The following GPR39 variants were observed in gnomAD, a reference collection of about 807,000 sequenced individuals.
GPR39 encodes the protein zinc sensing receptor.
Under a neutral mutation model 18.4 loss-of-function variants are expected in GPR39, and 23 were observed. The ratio of observed to expected loss-of-function variants is 1.25; its 90% confidence interval spans 0.90 to 1.77. The LOEUF is 1.77. Ranked by LOEUF, GPR39 falls within the 40% of genes most tolerant of loss-of-function variation. GPR39 has a pLI of 0.00. For synonymous variants in GPR39, 280 were observed against 257.9 expected (o/e 1.09, Z -0.82); for missense variants, 647 against 602.4 (o/e 1.07, Z -0.78).
At chr2:132,479,842 C>T (rs914279657) in intron 1 of GPR39, among the ~76,000 whole-genome samples, 2 of 151,604 alleles carry the variant, frequency 1.3e-5, no homozygotes, top group Non-Finnish European at 2.9e-5. Flanking sequence ...CTAGCAATCC[C>T]ACTTCTGGAT....
chr2:132,436,318 A>G (rs1001065586), intron 1 of GPR39, among the ~76,000 whole-genome samples: 1 of 152,180 alleles, frequency 6.6e-6, no homozygotes, highest in Admixed American at 6.5e-5. Context: ...GCTCAGCTTT[A>G]TTTCCAAAAC....
In GPR39 at chr2:132,486,435, G is replaced by A. The variant is rs539273139; in HGVS notation, c.856+68537G>A. Among the ~76,000 whole-genome samples, 4 of 152,280 alleles carry A rather than the reference G, an allele frequency of 2.6e-5. No individual in the cohort carries two copies. In the South Asian group the frequency reaches 8.3e-4, roughly 32 times the overall value. On this transcript the variant is annotated intron_variant, in intron 1 of 1. Coordinates refer to ENST00000329321, the MANE Select transcript of GPR39 (RefSeq NM_001508.3). ...TCTTTAGCTATGAAAGTCCTAGATGGCATCTTCTTCCAGTAGAAGGCTGTT... is the reference window on the plus strand; with the variant it reads ...TCTTTAGCTATGAAAGTCCTAGATGACATCTTCTTCCAGTAGAAGGCTGTT...
At chr2:132,425,703 G>T (rs1680107657) in intron 1 of GPR39, among the ~76,000 whole-genome samples, 1 of 152,152 alleles carries the variant, frequency 6.6e-6, no homozygotes, top group African/African-American at 2.4e-5. Context: ...TTTAAATCTG[G>T]GTCTAGAGGT....
At chr2:132,528,731 T>C (rs1006254351) in intron 1 of GPR39, among the ~76,000 whole-genome samples, 2 of 152,232 alleles carry the variant, frequency 1.3e-5, no homozygotes, top group Admixed American at 1.3e-4. Context: ...TTTGGTTCTC[T>C]ACTTGTCTAT....
intron 1 of GPR39, among the ~76,000 whole-genome samples, chr2:132,430,123 G>A (rs1434868642): frequency 6.6e-6 from 1 of 152,238 alleles, no homozygotes. Context: ...GAGGGGCACA[G>A]GTGTGGAAGT....
At chr2:132,525,231 C>T (rs1679487452) in intron 1 of GPR39, among the ~76,000 whole-genome samples, 1 of 152,202 alleles carries the variant, frequency 6.6e-6, no homozygotes, top group African/African-American at 2.4e-5. Context: ...CTTTGGAGCA[C>T]AGGATTGATT....
chr2:132,493,805 A>T (rs1026449146), intron 1 of GPR39, among the ~76,000 whole-genome samples: 4 of 151,996 alleles, frequency 2.6e-5, no homozygotes, highest in African/African-American at 9.7e-5. Flanking sequence ...GGCTATAGCT[A>T]GATACAGACA....
intron 1 of GPR39, among the ~76,000 whole-genome samples, chr2:132,500,846 G>A (rs1047308633): frequency 1.3e-5 from 2 of 151,932 alleles, no homozygotes; most frequent in Non-Finnish European, 2.9e-5. Context: ...TCTCCTCTAG[G>A]TCTTCTAGTT....
intron 1 of GPR39, among the ~76,000 whole-genome samples, chr2:132,529,806 G>A (rs946971958): frequency 6.6e-6 from 1 of 152,168 alleles, no homozygotes; most frequent in Non-Finnish European, 1.5e-5. Context: ...ACTGTTAGAA[G>A]GAAAGCTAGC....
At chr2:132,421,365 C>T (rs2104752722) in intron 1 of GPR39, among the ~76,000 whole-genome samples, 1 of 152,280 alleles carries the variant, frequency 6.6e-6, no homozygotes, top group South Asian at 2.1e-4. Context: ...TAATAACTTT[C>T]AAGTGATTGG....
chr2:132,608,452 T>C (rs990575609), intron 1 of GPR39, among the ~76,000 whole-genome samples: 12 of 152,220 alleles, frequency 7.9e-5, no homozygotes, highest in African/African-American at 2.4e-4. Context: ...ATCTCTCCTC[T>C]GAAGGTCTCA....
intron 1 of GPR39, among the ~76,000 whole-genome samples, chr2:132,569,473 A>G (rs1172762947): frequency 6.6e-6 from 1 of 151,732 alleles, no homozygotes; most frequent in Non-Finnish European, 1.5e-5. Flanking sequence ...GCGGGACCAC[A>G]CCTCCCTTAA....
intron 1 of GPR39, among the ~76,000 whole-genome samples, chr2:132,582,780 T>C (rs13391402): frequency 0.013 from 1,998 of 152,252 alleles, 50 homozygotes; most frequent in African/African-American, 0.046. Context: ...ACCCCTTTTT[T>C]ACCTCACTAC....
intron 1 of GPR39, among the ~76,000 whole-genome samples, chr2:132,618,787 G>A (rs764904627): frequency 2.0e-5 from 3 of 152,176 alleles, no homozygotes; most frequent in Admixed American, 6.5e-5. Context: ...TTTAAAGGCC[G>A]GCTTCACTTA....
At chr2:132,421,249 G>A (rs1274759805) in intron 1 of GPR39, among the ~76,000 whole-genome samples, 1 of 152,154 alleles carries the variant, frequency 6.6e-6, no homozygotes, top group Non-Finnish European at 1.5e-5. Context: ...ATCCAGGTCT[G>A]TGGACACTTG....
intron 1 of GPR39, among the ~76,000 whole-genome samples, chr2:132,556,555 C>T (rs1289661491): frequency 6.6e-6 from 1 of 152,138 alleles, no homozygotes; most frequent in African/African-American, 2.4e-5. Context: ...TTGCTAGTAC[C>T]TTGTGCACCA....
At chr2:132,436,089 G>A (rs745389453) in intron 1 of GPR39, among the ~76,000 whole-genome samples, 15 of 152,232 alleles carry the variant, frequency 9.9e-5, no homozygotes, top group African/African-American at 1.4e-4. Context: ...GAGGCCCCCC[G>A]AGTCCCTAAG....
intron 1 of GPR39, among the ~76,000 whole-genome samples, chr2:132,635,587 C>T (rs1681738314): frequency 6.6e-6 from 1 of 151,552 alleles, no homozygotes; most frequent in Admixed American, 6.6e-5. Context: ...GGTGTGGTCT[C>T]AGCAAAAAAG....
At chr2:132,426,703 A>G (rs1184679976) in intron 1 of GPR39, among the ~76,000 whole-genome samples, 5 of 152,222 alleles carry the variant, frequency 3.3e-5, no homozygotes, top group African/African-American at 9.6e-5. Flanking sequence ...GTTTGTACTT[A>G]CTGAGTGTAA....
Sources: gnomAD v4.1 joint callset for allele counts (sites outside exome capture counted in the v4.1 genomes callset) on GRCh38, gnomAD v4.1.1 for gene constraint, MANE v1.5 for transcripts, NCBI Gene and HGNC (gene_info 2026-07-23, HGNC 2026-07-21) for gene names.